DGLUCY: variants seen among roughly 807,000 people sequenced by gnomAD.
DGLUCY encodes D-glutamate cyclase.
In DGLUCY, 58 loss-of-function variants were observed where a neutral mutation model predicts 58.5. That is an observed-to-expected ratio of 0.99 (90% CI 0.80 to 1.23). The LOEUF (loss-of-function observed/expected upper bound fraction) is 1.23, where lower values mean the gene tolerates loss of function less well. Ranked by LOEUF, DGLUCY falls within the 50% of genes most tolerant of loss-of-function variation. DGLUCY has a pLI of 0.00. For missense variants in DGLUCY, 779 were observed against 784.7 expected (o/e 0.99, Z 0.09); for synonymous variants, 325 against 314.1 (o/e 1.03, Z -0.37).
chr14:91,161,128 C>T (rs866723030), intron 3 of DGLUCY, among the ~76,000 whole-genome samples: 1 of 152,218 alleles, frequency 6.6e-6, no homozygotes, highest in Non-Finnish European at 1.5e-5. Context: ...TGCAGTGATG[C>T]GATCTGGGCT....
At chr14:91,099,734 C>T (rs1310507661) in intron 1 of DGLUCY, among the ~76,000 whole-genome samples, 1 of 152,158 alleles carries the variant, frequency 6.6e-6, no homozygotes, top group Admixed American at 6.6e-5. Context: ...GAGAATCAGG[C>T]TGTGAAAGTC....
chr14:91,176,490 C>G (rs2048861022), intron 7 of DGLUCY, among the ~76,000 whole-genome samples: 1 of 152,204 alleles, frequency 6.6e-6, no homozygotes, highest in African/African-American at 2.4e-5. Context: ...TCCCACAGTG[C>G]TGGGATTACA....
intron 12 of DGLUCY, among the ~76,000 whole-genome samples, chr14:91,205,950 C>T (rs1884625239): frequency 6.7e-6 from 1 of 148,902 alleles, no homozygotes; most frequent in South Asian, 2.2e-4. Flanking sequence ...AGCGATTCTC[C>T]TGCCTCAGCC....
At position 91,173,411 on chromosome 14, in the gene DGLUCY, G is replaced by A; in HGVS notation, c.579G>A (p.Gln193=). The A allele has an allele frequency of 6.2e-7, 1 of 1,608,204 alleles. No homozygotes were observed. The highest frequency in any genetic ancestry group is 1.1e-5 in the South Asian group (1 of 90,194). ...VRACCSLGGE[Q]GQPVHMGDPE... ...CCTGCTGCTCCCTCGGAGGTGAGCA[G>A]GGGCAACCTGTTCACATGGGCGACC... The change falls in exon 6 of 14, where the codon CAG becomes CAA. Residue 193 remains glutamine (Q), a synonymous_variant. Coordinates refer to ENST00000256324, the MANE Select transcript of DGLUCY (RefSeq NM_001102368.3).
At chr14:91,079,195 C>T (rs777791068) in intron 1 of DGLUCY, among the ~76,000 whole-genome samples, 17 of 152,018 alleles carry the variant, frequency 1.1e-4, no homozygotes, top group African/African-American at 2.4e-4. Context: ...CAAGCCACCA[C>T]GCCCAGCCTT....
chr14:91,205,422 C>T (rs1884398283), intron 12 of DGLUCY, among the ~76,000 whole-genome samples: 1 of 152,152 alleles, frequency 6.6e-6, no homozygotes, highest in African/African-American at 2.4e-5. Context: ...CCTCCTTTGA[C>T]CTCACCACAC....
At chr14:91,212,360 A>G (rs988914786) in intron 12 of DGLUCY, among the ~76,000 whole-genome samples, 2 of 152,108 alleles carry the variant, frequency 1.3e-5, no homozygotes, top group African/African-American at 4.8e-5. Context: ...ATTTTAAAAT[A>G]TTAGCTGGGC....
chr14:91,222,571 G>A (rs1467004824), intron 13 of DGLUCY, among the ~76,000 whole-genome samples: 1 of 152,216 alleles, frequency 6.6e-6, no homozygotes, highest in Non-Finnish European at 1.5e-5. Context: ...CTCCTACAGA[G>A]GAACATCCTT....
intron 3 of DGLUCY, 51 bp downstream of exon 3, chr14:91,160,448 TC>T: frequency 7.7e-7 from 1 of 1,299,636 alleles, no homozygotes; most frequent in Non-Finnish European, 1.1e-6. Context: ...AAAAGAAAGT[TC>T]CTGGGAATTA....
chr14:91,107,172 T>C (rs1039861965), upstream of DGLUCY, among the ~76,000 whole-genome samples: 1 of 152,194 alleles, frequency 6.6e-6, no homozygotes, highest in Admixed American at 6.6e-5. Flanking sequence ...TCATATACAT[T>C]TGAACATGTA....
chr14:91,087,308 C>T (rs2044237746), intron 1 of DGLUCY, among the ~76,000 whole-genome samples: 1 of 152,070 alleles, frequency 6.6e-6, no homozygotes, highest in African/African-American at 2.4e-5. Flanking sequence ...TGTTGCCCTA[C>T]AGAACCCCCC....
At chr14:91,097,696 G>A (rs1318953827) in intron 1 of DGLUCY, among the ~76,000 whole-genome samples, 1 of 147,390 alleles carries the variant, frequency 6.8e-6, no homozygotes, top group Non-Finnish European at 1.5e-5. Context: ...TTTTTGAGAC[G>A]GAGTTTCGCT....
chr14:91,220,132 G>T (rs975305255), intron 13 of DGLUCY, among the ~76,000 whole-genome samples: 3 of 152,178 alleles, frequency 2.0e-5, no homozygotes, highest in Non-Finnish European at 4.4e-5. Context: ...AAAACATCGG[G>T]CCTGCCTTGG....
intron 2 of DGLUCY, among the ~76,000 whole-genome samples, chr14:91,158,231 G>A (rs1419993864): frequency 6.6e-6 from 1 of 152,190 alleles, no homozygotes; most frequent in East Asian, 1.9e-4. Flanking sequence ...CGTTAGGCAA[G>A]CCCAGGCCTG....
intron 10 of DGLUCY, among the ~76,000 whole-genome samples, chr14:91,199,497 C>A (rs577063356): frequency 2.0e-5 from 3 of 152,102 alleles, no homozygotes; most frequent in Admixed American, 6.6e-5. Flanking sequence ...AAGTGATCCA[C>A]CTGCTTCGGC....
At chr14:91,177,490 C>T (rs55708353) in intron 7 of DGLUCY, among the ~76,000 whole-genome samples, 5,746 of 152,232 alleles carry the variant, frequency 0.038, 368 homozygotes, top group African/African-American at 0.13. Context: ...ACAAGGCCAG[C>T]AGCAGTACAT....
chr14:91,131,481 T>G (rs140471445), intron 1 of DGLUCY, among the ~76,000 whole-genome samples: 11 of 152,270 alleles, frequency 7.2e-5, no homozygotes, highest in African/African-American at 2.6e-4. Context: ...TTTTTTTTTC[T>G]TATACTTCAA....
At chr14:91,135,523 G>T (rs530563067) in intron 1 of DGLUCY, among the ~76,000 whole-genome samples, 1 of 151,932 alleles carries the variant, frequency 6.6e-6, no homozygotes, top group African/African-American at 2.4e-5. Context: ...GGTGGCGCAT[G>T]CCTATAATCC....
At chr14:91,223,793 C>A in intron 13 of DGLUCY, 1 of 1,022,222 alleles carries the variant, frequency 9.8e-7, no homozygotes, top group Non-Finnish European at 1.3e-6. Context: ...AAGTGCTTTG[C>A]TTGTACGTAA....
Sources: gnomAD v4.1 joint callset for allele counts (sites outside exome capture counted in the v4.1 genomes callset) on GRCh38, gnomAD v4.1.1 for gene constraint, MANE v1.5 for transcripts, NCBI Gene and HGNC (gene_info 2026-07-23, HGNC 2026-07-21) for gene names.